Variants in ADGRL2 observed in about 807,000 individuals in gnomAD.
ADGRL2 encodes calcium-independent alpha-latrotoxin receptor 2.
In ADGRL2, 44 loss-of-function variants were observed where a neutral mutation model predicts 157.4. That is an observed-to-expected ratio of 0.28 (90% confidence interval 0.22 to 0.36). The LOEUF is 0.36. Among genes scored for constraint, ADGRL2 ranks in the 10% least tolerant of loss-of-function variants. The pLI is 1.00. For missense variants in ADGRL2, 1,510 were observed against 1,768.9 expected (o/e 0.85, Z 2.63); for synonymous variants, 585 against 624.7 (o/e 0.94, Z 0.95).
chr1:81,876,260 T>G (rs2093838716), intron 2 of ADGRL2, among the ~76,000 whole-genome samples: 1 of 152,174 alleles, frequency 6.6e-6, no homozygotes, highest in Admixed American at 6.5e-5. Context: ...TTCTGAAATA[T>G]TTTTTGAAGC....
At chr1:81,759,377 T>C (rs1412981179) in intron 1 of ADGRL2, among the ~76,000 whole-genome samples, 2 of 152,162 alleles carry the variant, frequency 1.3e-5, no homozygotes, top group African/African-American at 4.8e-5. Flanking sequence ...ATACAAATTT[T>C]AGCAGCCATT....
chr1:81,370,943 G>A (rs1300619147), intron 1 of ADGRL2, among the ~76,000 whole-genome samples: 6 of 152,214 alleles, frequency 3.9e-5, no homozygotes, highest in Middle Eastern at 3.4e-3. Context: ...TTTCAATATC[G>A]TGTGTGACTT....
intron 2 of ADGRL2, among the ~76,000 whole-genome samples, chr1:81,569,105 G>T (rs2080628164): frequency 6.6e-6 from 1 of 152,048 alleles, no homozygotes; most frequent in Admixed American, 6.6e-5. Context: ...AGGTTTGAAA[G>T]AATTATTAGG....
intron 1 of ADGRL2, among the ~76,000 whole-genome samples, chr1:81,346,819 C>A (rs967299579): frequency 6.6e-6 from 1 of 152,170 alleles, no homozygotes; most frequent in Non-Finnish European, 1.5e-5. Context: ...TTTGTTATGG[C>A]AGTCTTAAGT....
intron 2 of ADGRL2, among the ~76,000 whole-genome samples, chr1:81,766,559 G>A (rs2086126822): frequency 6.6e-6 from 1 of 152,066 alleles, no homozygotes; most frequent in Admixed American, 6.5e-5. Flanking sequence ...GGCTGGGCAT[G>A]GTTGCTCATG....
At chr1:81,424,529 T>A (rs895283364) in intron 1 of ADGRL2, among the ~76,000 whole-genome samples, 4 of 152,242 alleles carry the variant, frequency 2.6e-5, no homozygotes, top group African/African-American at 9.6e-5. Context: ...TGCCAGCTAC[T>A]CTGTCCACAA....
intron 3 of ADGRL2, among the ~76,000 whole-genome samples, chr1:81,648,461 A>G (rs1430158422): frequency 6.6e-6 from 1 of 152,198 alleles, no homozygotes; most frequent in Admixed American, 6.5e-5. Flanking sequence ...TGGAGCCTAA[A>G]TATAAATCCT....
At position 81,966,569 on chromosome 1, in the gene ADGRL2, A is replaced by G; in HGVS notation, c.2309A>G (p.Tyr770Cys). ...ATCAATAAAGAGTCCAGCCGAGTATACCTGACTGATCCTGTGCTTTTTACC... is the reference window on the plus strand; with the variant it reads ...ATCAATAAAGAGTCCAGCCGAGTATGCCTGACTGATCCTGTGCTTTTTACC... ...VSINKESSRV[Y>C]LTDPVLFTLP... The change falls in exon 13 of 24, where the codon TAC becomes TGC. Residue 770 changes from tyrosine (Y) to cysteine (C), a missense_variant. Physicochemically the swap from Tyr to Cys is radical, Grantham distance 194 (BLOSUM62 -2). Transcript: ENST00000686636. The G allele has an allele frequency of 1.2e-6, 2 of 1,614,118 alleles. No homozygotes were observed. The highest frequency in any genetic ancestry group is 1.7e-6 in the Non-Finnish European group (2 of 1,180,002).
intron 3 of ADGRL2, among the ~76,000 whole-genome samples, chr1:81,653,943 T>A (rs984983831): frequency 2.3e-4 from 35 of 152,122 alleles, no homozygotes; most frequent in African/African-American, 8.2e-4. Flanking sequence ...TCTTTCTTTC[T>A]TCCTTTTTTA....
intron 1 of ADGRL2, among the ~76,000 whole-genome samples, chr1:81,821,424 C>T (rs185431781): frequency 6.6e-6 from 1 of 152,102 alleles, no homozygotes; most frequent in Admixed American, 6.6e-5. Context: ...CATTACATAC[C>T]ACAGGTGGAT....
intron 2 of ADGRL2, among the ~76,000 whole-genome samples, chr1:81,570,945 C>G (rs2080674537): frequency 6.6e-6 from 1 of 152,130 alleles, no homozygotes; most frequent in South Asian, 2.1e-4. Context: ...CTACCTAACT[C>G]TGCTGTTGGA....
chr1:81,763,222 A>G (rs2085962005), intron 2 of ADGRL2, among the ~76,000 whole-genome samples: 2 of 152,140 alleles, frequency 1.3e-5, no homozygotes, highest in Admixed American at 6.5e-5. Flanking sequence ...GAGCATATTT[A>G]TTATTAGATA....
chr1:81,463,921 G>A (rs1343965793), intron 2 of ADGRL2, among the ~76,000 whole-genome samples: 2 of 151,846 alleles, frequency 1.3e-5, no homozygotes, highest in Non-Finnish European at 2.9e-5. Flanking sequence ...TGTTTCTTAG[G>A]TTCGTCCTGA....
At chr1:81,322,986 T>C (rs778066065) in intron 1 of ADGRL2, among the ~76,000 whole-genome samples, 7 of 151,910 alleles carry the variant, frequency 4.6e-5, no homozygotes, top group Admixed American at 2.0e-4. Flanking sequence ...GCCCCCTGAA[T>C]AGTTGGGACT....
chr1:81,594,782 G>T (rs945876196), intron 3 of ADGRL2, among the ~76,000 whole-genome samples: 1 of 152,162 alleles, frequency 6.6e-6, no homozygotes, highest in Admixed American at 6.5e-5. Flanking sequence ...CCATTGGACA[G>T]CAAACAGCTT....
At chr1:81,674,872 T>A (rs1353575435) in intron 3 of ADGRL2, among the ~76,000 whole-genome samples, 1 of 152,174 alleles carries the variant, frequency 6.6e-6, no homozygotes, top group Non-Finnish European at 1.5e-5. Context: ...AAAAGCATCT[T>A]CCACTGTATA....
chr1:81,621,718 G>A (rs1291176737), intron 3 of ADGRL2, among the ~76,000 whole-genome samples: 3 of 152,174 alleles, frequency 2.0e-5, no homozygotes, highest in East Asian at 1.9e-4. Flanking sequence ...TCTAAACTAT[G>A]CCTGGATTCT....
chr1:81,842,901 C>T (rs1450470529), intron 2 of ADGRL2, among the ~76,000 whole-genome samples: 3 of 152,044 alleles, frequency 2.0e-5, no homozygotes, highest in African/African-American at 7.2e-5. Flanking sequence ...CCCAATCTAA[C>T]AAAATTAACT....
chr1:81,570,402 T>C (rs1343310453), intron 2 of ADGRL2, among the ~76,000 whole-genome samples: 1 of 152,014 alleles, frequency 6.6e-6, no homozygotes, highest in South Asian at 2.1e-4. Context: ...TTGTTTGTTT[T>C]TGACATGGAG....
Sources: allele counts gnomAD v4.1 joint callset (sites outside exome capture counted in the v4.1 genomes callset), GRCh38; gene constraint gnomAD v4.1.1; transcripts MANE v1.5; gene names NCBI Gene and HGNC (gene_info 2026-07-23, HGNC 2026-07-21).